TNRC6B: variants seen among roughly 807,000 people sequenced by gnomAD.
TNRC6B encodes trinucleotide repeat containing adaptor 6B, also known as trinucleotide repeat-containing gene 6B protein.
In TNRC6B, 52 loss-of-function variants were observed where a neutral mutation model predicts 203.6. The observed-to-expected ratio is 0.26, with a 90% CI of 0.20 to 0.32. The LOEUF (loss-of-function observed/expected upper bound fraction) is 0.32. Among genes scored for constraint, TNRC6B ranks in the 10% least tolerant of loss-of-function variants. The pLI, the probability that TNRC6B is intolerant of heterozygous loss-of-function variation, is 1.00. For missense variants in TNRC6B, 1,923 were observed against 2,286.2 expected, an observed-to-expected ratio of 0.84 and a Z score of 3.24; for synonymous variants, 838 against 845.7, an observed-to-expected ratio of 0.99 and a Z score of 0.16.
rs749467432 is a variant in TNRC6B at position 40,231,041 on chromosome 22, G to GTC, written c.6-14962_6-14961dup. Among the ~76,000 whole-genome samples, 895 of 151,476 alleles carry GTC rather than the reference G, an allele frequency of 5.9e-3. 7 individuals carry two copies. The highest frequency in any genetic ancestry group is 9.8e-3 in the African/African-American group (402 of 41,202). ...TTTGCAGCTTTTTTGAAAATTGGTT[G>GTC]TCTCTCTCTCTCTATATATATATAT... On this transcript the variant is annotated intron_variant, in intron 1 of 22. Transcript: ENST00000454349.
intron 15 of TNRC6B, among the ~76,000 whole-genome samples, chr22:40,306,524 T>C (rs1325063526): frequency 6.6e-6 from 1 of 152,190 alleles, no homozygotes; most frequent in Non-Finnish European, 1.5e-5. Flanking sequence ...CCTGGTTTTC[T>C]CAAAGGCAGA....
chr22:40,051,315 A>G (rs986944854), intron 1 of TNRC6B, among the ~76,000 whole-genome samples: 1 of 152,210 alleles, frequency 6.6e-6, no homozygotes, highest in African/African-American at 2.4e-5. Flanking sequence ...AAACTGTGCT[A>G]AGCTCACTAA....
chr22:40,285,975 A>G (rs935512615), intron 12 of TNRC6B, among the ~76,000 whole-genome samples: 2 of 152,238 alleles, frequency 1.3e-5, no homozygotes, highest in African/African-American at 2.4e-5. Context: ...TTTTAGAACA[A>G]AATCTCAAAT....
At chr22:40,118,154 T>G (rs1306113610) in intron 2 of TNRC6B, among the ~76,000 whole-genome samples, 1 of 152,170 alleles carries the variant, frequency 6.6e-6, no homozygotes, top group East Asian at 1.9e-4. Flanking sequence ...TTTGCTAGGC[T>G]TATGTGCCTA....
At chr22:40,251,244 GT>G in intron 3 of TNRC6B, 44 bp downstream of exon 3, 1 of 1,469,588 alleles carries the variant, frequency 6.8e-7, no homozygotes, top group East Asian at 2.5e-5. Context: ...AACCTTTTGT[GT>G]TTAGCTTTTA....
In TNRC6B at chr22:40,149,979, T is replaced by A. The variant is rs911619905; in HGVS notation, c.46-6136T>A. Among the ~76,000 whole-genome samples the A allele has an allele frequency of 4.2e-4, 45 of 107,774 alleles. 1 individual carries two copies. The highest frequency in any genetic ancestry group is 1.7e-3 in the African/African-American group (34 of 19,938). 70.7% of individuals were successfully genotyped at this position (107,774 alleles called of 152,430 possible). A position where few individuals can be genotyped will look rare whatever the true frequency, so the allele number is the denominator to read the frequency against. Reference sequence around the variant, plus strand: ...GCACCTGGTATAAAATAATTTTTTTTAAAATGAAAGCCAACAAAAAATTGA... The same window carrying A: ...GCACCTGGTATAAAATAATTTTTTTAAAAATGAAAGCCAACAAAAAATTGA... On this transcript the variant is annotated intron_variant, in intron 3 of 23. Coordinates refer to the TNRC6B transcript ENST00000301923.
chr22:40,098,256 G>A (rs752046304), intron 1 of TNRC6B, among the ~76,000 whole-genome samples: 2 of 151,422 alleles, frequency 1.3e-5, no homozygotes, highest in African/African-American at 4.9e-5. Context: ...TGCGGTGGCG[G>A]GTGCCTGTAA....
intron 1 of TNRC6B, among the ~76,000 whole-genome samples, chr22:40,239,697 G>C (rs965129751): frequency 1.3e-5 from 2 of 152,182 alleles, no homozygotes; most frequent in African/African-American, 4.8e-5. Flanking sequence ...CGGACCATTG[G>C]AGGGTTCAGT....
intron 3 of TNRC6B, among the ~76,000 whole-genome samples, chr22:40,128,043 T>A (rs2068509401): frequency 1.3e-5 from 2 of 152,222 alleles, no homozygotes; most frequent in South Asian, 4.1e-4. Context: ...CTTTCTTGAT[T>A]TTTCAATTAC....
chr22:40,073,786 G>A (rs953047227), intron 1 of TNRC6B, among the ~76,000 whole-genome samples: 27 of 151,924 alleles, frequency 1.8e-4, no homozygotes, highest in African/African-American at 5.8e-4. Context: ...GGCTGGGTGC[G>A]GTGGCTCATG....
In TNRC6B at chr22:40,264,917, C is replaced by T. The variant is rs1421678229; in HGVS notation, c.687C>T (p.Ser229=). ...NSASNPGSEK[S]TLPGSTTSNK... ...CCTCGAACCCTGGCTCTGAGAAGAGCACTCTGCCAGGAAGCACCACTAGTA... is the reference window on the plus strand; with the variant it reads ...CCTCGAACCCTGGCTCTGAGAAGAGTACTCTGCCAGGAAGCACCACTAGTA... The change falls in exon 5 of 23, where the codon AGC becomes AGT. Residue 229 remains serine (S), a synonymous_variant. Coordinates refer to ENST00000454349, the MANE Select transcript of TNRC6B (RefSeq NM_001162501.2). 1.2e-6 allele frequency: 2 copies of T among 1,613,796 alleles called. No individual in the cohort carries two copies. The highest frequency in any genetic ancestry group is 1.3e-5 in the African/African-American group (1 of 74,898).
chr22:40,054,688 A>G lies in TNRC6B; in HGVS notation c.-121+9690A>G, dbSNP rs189525070. ...GTGAGTTGCACATAGTAGGTCCTCA[A>G]TAAATATTTTTTCAAATGAAGTTAA... is the stretch of plus-strand genomic sequence containing the variant. On this transcript the variant is annotated intron_variant, in intron 1 of 23. Transcript: ENST00000301923. Among the ~76,000 whole-genome samples the G allele has an allele frequency of 1.5e-3, 221 of 152,314 alleles. 2 individuals are homozygous for G. The highest frequency in any genetic ancestry group is 2.1e-4 in the Non-Finnish European group (14 of 68,042).
chr22:40,077,071 G>GAGAGA (rs149970547), intron 1 of TNRC6B, among the ~76,000 whole-genome samples: 6,323 of 147,564 alleles, frequency 0.043, 409 homozygotes, highest in African/African-American at 0.14. Flanking sequence ...GAAAAGAAAA[G>GAGAGA]AGAGAAGAGG....
intron 4 of TNRC6B, among the ~76,000 whole-genome samples, chr22:40,157,027 G>A (rs187718222): frequency 2.0e-5 from 3 of 151,962 alleles, no homozygotes; most frequent in Admixed American, 1.3e-4. Flanking sequence ...TGCCTGCCTC[G>A]GCCTCCCAAA....
chr22:40,188,889 A>G (rs541707002), intron 1 of TNRC6B, among the ~76,000 whole-genome samples: 1 of 152,318 alleles, frequency 6.6e-6, no homozygotes, highest in African/African-American at 2.4e-5. Flanking sequence ...TATGGTACAG[A>G]ACAAATCCCT....
chr22:40,105,848 C>T (rs1168167592), intron 1 of TNRC6B, among the ~76,000 whole-genome samples: 1 of 152,140 alleles, frequency 6.6e-6, no homozygotes, highest in Non-Finnish European at 1.5e-5. Flanking sequence ...AGAATCAAGC[C>T]AAACCATTCT....
intron 1 of TNRC6B, among the ~76,000 whole-genome samples, chr22:40,079,202 C>A (rs912204549): frequency 1.3e-5 from 2 of 152,126 alleles, no homozygotes; most frequent in Non-Finnish European, 2.9e-5. Flanking sequence ...CATGAGCCAC[C>A]GTGCCCGGGC....
chr22:40,051,771 T>C (rs1291794417), intron 1 of TNRC6B, among the ~76,000 whole-genome samples: 2 of 152,218 alleles, frequency 1.3e-5, no homozygotes, highest in Non-Finnish European at 2.9e-5. Context: ...AGTAGCTACA[T>C]TAAAAAAGTA....
intron 2 of TNRC6B, among the ~76,000 whole-genome samples, chr22:40,117,964 A>T (rs1447631077): frequency 6.6e-6 from 1 of 152,186 alleles, no homozygotes; most frequent in Non-Finnish European, 1.5e-5. Flanking sequence ...GGCCCCCACA[A>T]GCAAGAAAGG....
Sources: allele counts gnomAD v4.1 joint callset (sites outside exome capture counted in the v4.1 genomes callset), GRCh38; gene constraint gnomAD v4.1.1; transcripts MANE v1.5; gene names NCBI Gene and HGNC (gene_info 2026-07-23, HGNC 2026-07-21).